FAM171A1: variants seen among roughly 807,000 people sequenced by gnomAD.
FAM171A1 encodes protein FAM171A1.
Under a neutral mutation model 74.9 loss-of-function variants are expected in FAM171A1, and 23 were observed. That is an observed-to-expected ratio of 0.31 (90% CI 0.22 to 0.44). The LOEUF (loss-of-function observed/expected upper bound fraction) is 0.44, where lower values mean the gene tolerates loss of function less well. Ranked by LOEUF, FAM171A1 falls within the 20% of genes least tolerant of loss-of-function variation. The pLI is 1.00. For synonymous variants in FAM171A1, 527 were observed against 505.7 expected (o/e 1.04, Z -0.57); for missense variants, 1,162 against 1,159.2 (o/e 1.00, Z -0.03).
At chr10:15,276,085 C>T in intron 2 of FAM171A1, 138 bp from the exon 3 acceptor site, 1 of 572,762 alleles carries the variant, frequency 1.7e-6, no homozygotes, top group Non-Finnish European at 3.1e-6. Flanking sequence ...GTTAGATTAG[C>T]AAAAGACCTT....
chr10:15,339,883 G>A lies in FAM171A1; in HGVS notation c.97+31073C>T, dbSNP rs144992173. On this transcript the variant is annotated intron_variant, in intron 1 of 7. Coordinates refer to ENST00000378116, the MANE Select transcript of FAM171A1 (RefSeq NM_001010924.2). ...AATCATAGCAGAAGATGAAAGTCAC[G>A]TCTTACATGGTGGCAGACAAGAGAG... Among the ~76,000 whole-genome samples, 693 of 152,256 alleles carry A rather than the reference G, an allele frequency of 4.6e-3. 5 individuals are homozygous for A. Among genetic ancestry groups the A allele is most frequent in the African/African-American group, 0.016 (661 of 41,546 alleles).
chr10:15,243,982 C>T (rs566070062), intron 5 of FAM171A1, among the ~76,000 whole-genome samples: 1 of 152,242 alleles, frequency 6.6e-6, no homozygotes, highest in Admixed American at 6.5e-5. Flanking sequence ...GATCTCCTAA[C>T]CTCGTGATCT....
At chr10:15,257,686 C>T (rs369773826) in intron 3 of FAM171A1, among the ~76,000 whole-genome samples, 3 of 152,040 alleles carry the variant, frequency 2.0e-5, no homozygotes, top group Non-Finnish European at 2.9e-5. Flanking sequence ...GGGACTGGCA[C>T]GACACGGGTA....
intron 1 of FAM171A1, among the ~76,000 whole-genome samples, chr10:15,318,972 G>A (rs1835454379): frequency 6.6e-6 from 1 of 152,190 alleles, no homozygotes; most frequent in Non-Finnish European, 1.5e-5. Flanking sequence ...GACCAAAGGA[G>A]GAGAAGAACA....
chr10:15,319,295 C>G lies in FAM171A1; in HGVS notation c.98-35190G>C, dbSNP rs146416675. On this transcript the variant is annotated intron_variant, in intron 1 of 7. Transcript: ENST00000378116. ...AAATGATACGTCTCCTTCCCCTCCCCCAATTACTAAGTGCCCAGGTGGGAG... is the reference window on the plus strand; with the variant it reads ...AAATGATACGTCTCCTTCCCCTCCCGCAATTACTAAGTGCCCAGGTGGGAG... Among the ~76,000 whole-genome samples, 828 of 152,238 alleles carry G rather than the reference C, an allele frequency of 5.4e-3. 7 individuals carry two copies. The highest frequency in any genetic ancestry group is 0.019 in the African/African-American group (769 of 41,514).
At chr10:15,318,162 A>T (rs1468001658) in intron 1 of FAM171A1, among the ~76,000 whole-genome samples, 1 of 152,224 alleles carries the variant, frequency 6.6e-6, no homozygotes, top group Non-Finnish European at 1.5e-5. Flanking sequence ...TTGGCAATAA[A>T]GAGAGCTGAA....
At chr10:15,233,268 C>A (rs1249495032) in intron 5 of FAM171A1, among the ~76,000 whole-genome samples, 3 of 151,984 alleles carry the variant, frequency 2.0e-5, no homozygotes, top group African/African-American at 7.2e-5. Context: ...ACACTCCAGC[C>A]TGGGTGACAG....
intron 1 of FAM171A1, among the ~76,000 whole-genome samples, chr10:15,354,537 T>G (rs181546214): frequency 3.2e-4 from 49 of 151,992 alleles, no homozygotes; most frequent in African/African-American, 1.1e-3. Flanking sequence ...GGCAATGAAC[T>G]TGGCAATGTC....
chr10:15,330,565 A>C (rs1164890087), intron 1 of FAM171A1, among the ~76,000 whole-genome samples: 1 of 152,086 alleles, frequency 6.6e-6, no homozygotes, highest in Admixed American at 6.6e-5. Context: ...TGTGCAACCA[A>C]TTGAAAGCTG....
At chr10:15,253,000 C>CTTTGTTTT (rs1308918905) in intron 4 of FAM171A1, among the ~76,000 whole-genome samples, 1 of 151,994 alleles carries the variant, frequency 6.6e-6, no homozygotes, top group Non-Finnish European at 1.5e-5. Flanking sequence ...TATTTTAAAA[C>CTTTGTTTT]TTTGTTTTTT....
intron 1 of FAM171A1, among the ~76,000 whole-genome samples, chr10:15,329,570 G>C (rs771469419): frequency 6.6e-6 from 1 of 151,024 alleles, no homozygotes; most frequent in Non-Finnish European, 1.5e-5. Flanking sequence ...AAGCTGCAGT[G>C]AAACGTGATC....
chr10:15,256,172 A>C (rs1834578492), intron 3 of FAM171A1, among the ~76,000 whole-genome samples: 1 of 152,134 alleles, frequency 6.6e-6, no homozygotes, highest in South Asian at 2.1e-4. Context: ...ACAGCTCTGC[A>C]CGGAGCTGGT....
At chr10:15,303,510 G>T (rs796551086) in intron 1 of FAM171A1, among the ~76,000 whole-genome samples, 1 of 152,150 alleles carries the variant, frequency 6.6e-6, no homozygotes, top group Non-Finnish European at 1.5e-5. Flanking sequence ...TGTCCTGGCA[G>T]CAATGTCAAT....
intron 5 of FAM171A1, among the ~76,000 whole-genome samples, chr10:15,228,631 G>A (rs180927654): frequency 4.6e-5 from 7 of 152,260 alleles, no homozygotes; most frequent in South Asian, 2.1e-4. Flanking sequence ...GCAGGCGTGC[G>A]CCCCGCGCCA....
intron 1 of FAM171A1, among the ~76,000 whole-genome samples, chr10:15,333,242 C>T (rs988888621): frequency 1.1e-4 from 16 of 152,224 alleles, no homozygotes; most frequent in African/African-American, 3.4e-4. Flanking sequence ...GCCTGTAATC[C>T]CAGTACTTTG....
At chr10:15,244,635 T>C (rs973436037) in intron 5 of FAM171A1, among the ~76,000 whole-genome samples, 1 of 152,186 alleles carries the variant, frequency 6.6e-6, no homozygotes. Flanking sequence ...ATCACAAGCA[T>C]TCAGAATAAA....
chr10:15,299,199 G>A (rs946120985), intron 1 of FAM171A1, among the ~76,000 whole-genome samples: 1 of 152,196 alleles, frequency 6.6e-6, no homozygotes, highest in Admixed American at 6.5e-5. Flanking sequence ...GATTACAGGT[G>A]TGAGCCACCG....
intron 1 of FAM171A1, among the ~76,000 whole-genome samples, chr10:15,286,149 T>C (rs1204036392): frequency 6.6e-6 from 1 of 152,190 alleles, no homozygotes; most frequent in Non-Finnish European, 1.5e-5. Context: ...ATTCCAATCA[T>C]GATGCTTGTA....
At chr10:15,367,042 C>CA (rs893900896) in intron 1 of FAM171A1, among the ~76,000 whole-genome samples, 25 of 151,808 alleles carry the variant, frequency 1.6e-4, no homozygotes, top group Non-Finnish European at 2.2e-4. Flanking sequence ...ACTAAAAATA[C>CA]AAAAAAAATA....
Sources: gnomAD v4.1 joint callset for allele counts (sites outside exome capture counted in the v4.1 genomes callset) on GRCh38, gnomAD v4.1.1 for gene constraint, MANE v1.5 for transcripts, NCBI Gene and HGNC (gene_info 2026-07-23, HGNC 2026-07-21) for gene names.